Variants in HMBOX1 observed in about 807,000 individuals in gnomAD.
HMBOX1 encodes the protein homeobox containing 1, also known as homeobox-containing protein 1.
HMBOX1 carries 14 observed loss-of-function variants against 54.5 expected under a neutral mutation model. The observed-to-expected ratio is 0.26, with a 90% CI of 0.17 to 0.40. HMBOX1 has a LOEUF of 0.40. HMBOX1 is among the 10% of genes least tolerant of loss of function. HMBOX1 has a pLI of 1.00. For missense variants in HMBOX1, 332 were observed against 514.4 expected (o/e 0.65, Z 3.43); for synonymous variants, 160 against 181.0 (o/e 0.88, Z 0.93).
intron 3 of HMBOX1, among the ~76,000 whole-genome samples, chr8:28,978,675 T>A (rs1423070465): frequency 1.3e-5 from 2 of 151,088 alleles, no homozygotes; most frequent in East Asian, 3.9e-4. Flanking sequence ...TAACCTCAGC[T>A]ACTCAGGTGG....
chr8:29,015,199 T>A (rs549269087), intron 5 of HMBOX1, among the ~76,000 whole-genome samples: 1 of 152,330 alleles, frequency 6.6e-6, no homozygotes, highest in South Asian at 2.1e-4. Flanking sequence ...AGTTGGCTTA[T>A]TTCCTTCAAC....
intron 1 of HMBOX1, among the ~76,000 whole-genome samples, chr8:28,916,296 G>A (rs1276217918): frequency 1.3e-5 from 2 of 152,180 alleles, no homozygotes; most frequent in Non-Finnish European, 2.9e-5. Context: ...CATGATTCCT[G>A]CCACTGTAAC....
intron 1 of HMBOX1, among the ~76,000 whole-genome samples, chr8:28,937,452 G>C (rs1490544484): frequency 6.6e-6 from 1 of 151,974 alleles, no homozygotes; most frequent in East Asian, 1.9e-4. Flanking sequence ...TTTCATCATG[G>C]CTCTGAAATT....
chr8:29,025,584 T>G (rs975852149), intron 6 of HMBOX1, among the ~76,000 whole-genome samples: 1 of 152,194 alleles, frequency 6.6e-6, no homozygotes, highest in Non-Finnish European at 1.5e-5. Context: ...CATCTAAGCT[T>G]CTTCTAGTTT....
At chr8:28,898,521 C>G (rs190804763) in intron 1 of HMBOX1, among the ~76,000 whole-genome samples, 3 of 152,282 alleles carry the variant, frequency 2.0e-5, no homozygotes, top group African/African-American at 7.2e-5. Flanking sequence ...GTGACTAGAC[C>G]TTGTGTGAAT....
chr8:28,932,207 C>A (rs771192378), intron 1 of HMBOX1, among the ~76,000 whole-genome samples: 2 of 152,180 alleles, frequency 1.3e-5, no homozygotes, highest in Non-Finnish European at 2.9e-5. Context: ...AAGACGGCAA[C>A]TGTGCCTAGG....
chr8:28,955,062 C>A (rs1470450846), intron 1 of HMBOX1, among the ~76,000 whole-genome samples: 1 of 152,068 alleles, frequency 6.6e-6, no homozygotes, highest in Admixed American at 6.5e-5. Context: ...TACTTGACTT[C>A]ATGTAATATT....
intron 1 of HMBOX1, among the ~76,000 whole-genome samples, chr8:28,921,196 G>T (rs745745074): frequency 1.3e-5 from 2 of 152,118 alleles, no homozygotes; most frequent in Admixed American, 6.6e-5. Flanking sequence ...TTAGCCAGGT[G>T]GTAGTGGCAT....
chr8:29,001,042 G>A (rs901321825), intron 4 of HMBOX1, among the ~76,000 whole-genome samples: 12 of 152,084 alleles, frequency 7.9e-5, no homozygotes, highest in African/African-American at 2.4e-4. Flanking sequence ...GGTTTTCAGA[G>A]GTTTTTACTT....
At chr8:29,040,029 G>A (rs1673342322) in intron 6 of HMBOX1, among the ~76,000 whole-genome samples, 1 of 151,954 alleles carries the variant, frequency 6.6e-6, no homozygotes. Flanking sequence ...TACTGTTAAT[G>A]TTGCCTTTGC....
At chr8:29,023,566 C>G (rs922385603) in intron 6 of HMBOX1, among the ~76,000 whole-genome samples, 1 of 152,036 alleles carries the variant, frequency 6.6e-6, no homozygotes, top group Non-Finnish European at 1.5e-5. Context: ...CCATGCCTGG[C>G]TAATTTTTAT....
intron 4 of HMBOX1, among the ~76,000 whole-genome samples, chr8:28,999,319 TC>T (rs747661551): frequency 2.2e-4 from 34 of 152,334 alleles, no homozygotes; most frequent in Non-Finnish European, 3.5e-4. Context: ...TCAAGATTTT[TC>T]TGTTGATCTT....
chr8:29,021,090 G>A (rs1365637095), intron 6 of HMBOX1, among the ~76,000 whole-genome samples: 1 of 152,142 alleles, frequency 6.6e-6, no homozygotes, highest in African/African-American at 2.4e-5. Flanking sequence ...TGAGAGGATT[G>A]CTTGAGCCCA....
chr8:28,943,086 A>G (rs1821744809), intron 1 of HMBOX1, among the ~76,000 whole-genome samples: 1 of 152,212 alleles, frequency 6.6e-6, no homozygotes. Flanking sequence ...GGCAATATGA[A>G]TAAGTAGACC....
At position 28,926,026 on chromosome 8, in the gene HMBOX1, C is replaced by T. The variant is rs370450025; in HGVS notation, c.-58+35348C>T. Among the ~76,000 whole-genome samples, 25 of 152,008 alleles carry T rather than the reference C, an allele frequency of 1.6e-4. No individual in the cohort carries two copies. In the East Asian group the frequency reaches 4.4e-3, roughly 27 times the overall value. On this transcript the variant is annotated intron_variant, in intron 1 of 9. Transcript: ENST00000287701. ...CAGTAAAATGAACCTGGGCCAGGTG[C>T]GGTGGCTTATGCATGTAATCCTGTC...
intron 1 of HMBOX1, among the ~76,000 whole-genome samples, chr8:28,926,088 C>T (rs1279281439): frequency 6.6e-6 from 1 of 151,762 alleles, no homozygotes. Context: ...GGCTTGAGCC[C>T]AGGAGATTGA....
At chr8:28,920,651 A>G (rs1817390351) in intron 1 of HMBOX1, among the ~76,000 whole-genome samples, 1 of 152,238 alleles carries the variant, frequency 6.6e-6, no homozygotes, top group Non-Finnish European at 1.5e-5. Context: ...GTCTGATGAA[A>G]GAGATATGAA....
intron 4 of HMBOX1, among the ~76,000 whole-genome samples, chr8:28,984,399 C>T (rs1301914624): frequency 6.6e-6 from 1 of 152,162 alleles, no homozygotes; most frequent in Non-Finnish European, 1.5e-5. Flanking sequence ...AAAATTATAA[C>T]ACATGTGCTT....
intron 1 of HMBOX1, among the ~76,000 whole-genome samples, chr8:28,920,653 A>T (rs1817391045): frequency 6.6e-6 from 1 of 152,244 alleles, no homozygotes; most frequent in Admixed American, 6.5e-5. Context: ...CTGATGAAAG[A>T]GATATGAATA....
Sources: gnomAD v4.1 joint callset for allele counts (sites outside exome capture counted in the v4.1 genomes callset) on GRCh38, gnomAD v4.1.1 for gene constraint, MANE v1.5 for transcripts, NCBI Gene and HGNC (gene_info 2026-07-23, HGNC 2026-07-21) for gene names.